ANKRD44: variants seen among roughly 807,000 people sequenced by gnomAD.
ANKRD44 encodes the protein serine/threonine-protein phosphatase 6 regulatory ankyrin repeat subunit B.
In ANKRD44, 35 loss-of-function variants were observed where a neutral mutation model predicts 116.0. The ratio of observed to expected loss-of-function variants is 0.30; its 90% CI spans 0.23 to 0.40. ANKRD44 has a LOEUF of 0.40. Ranked by LOEUF, ANKRD44 falls within the 10% of genes least tolerant of loss-of-function variation. The pLI is 1.00. For missense variants in ANKRD44, 1,014 were observed against 1,242.6 expected (o/e 0.82, Z 2.77); for synonymous variants, 435 against 461.8 (o/e 0.94, Z 0.74).
chr2:197,136,420 C>T (rs2079217639), intron 4 of ANKRD44, 172 bp downstream of exon 4: 2 of 640,954 alleles, frequency 3.1e-6, no homozygotes, highest in East Asian at 5.5e-5. Context: ...CCCCACTCAG[C>T]ACTATGTCTG....
chr2:197,304,079 G>A (rs1436747354), intron 1 of ANKRD44, among the ~76,000 whole-genome samples: 1 of 152,164 alleles, frequency 6.6e-6, no homozygotes, highest in African/African-American at 2.4e-5. Context: ...GCTGAGGCAG[G>A]CAGATCACAT....
chr2:197,126,751 A>G (rs571128023), intron 4 of ANKRD44, among the ~76,000 whole-genome samples: 1 of 149,928 alleles, frequency 6.7e-6, no homozygotes, highest in Admixed American at 6.7e-5. Flanking sequence ...TCTAACGAAG[A>G]AAAAAAAAAT....
intron 16 of ANKRD44, among the ~76,000 whole-genome samples, chr2:197,035,843 A>G (rs1051355853): frequency 1.3e-5 from 2 of 151,804 alleles, no homozygotes; most frequent in Non-Finnish European, 2.9e-5. Context: ...GGCCGTGTCA[A>G]TCTCCTCCCT....
intron 1 of ANKRD44, among the ~76,000 whole-genome samples, chr2:197,293,730 A>G (rs2083636310): frequency 6.6e-6 from 1 of 152,196 alleles, no homozygotes; most frequent in South Asian, 2.1e-4. Context: ...ATCTTTACCC[A>G]CAGGGGAACG....
At chr2:197,097,829 G>A (rs146895494) in intron 10 of ANKRD44, among the ~76,000 whole-genome samples, 6 of 152,278 alleles carry the variant, frequency 3.9e-5, no homozygotes, top group African/African-American at 4.8e-5. Flanking sequence ...AACAGCTTCC[G>A]AATGACTCAG....
chr2:197,054,133 C>T (rs1421507655), intron 16 of ANKRD44, among the ~76,000 whole-genome samples: 3 of 152,178 alleles, frequency 2.0e-5, no homozygotes, highest in Non-Finnish European at 4.4e-5. Context: ...AATATAATTA[C>T]ATTTATGCTC....
intron 1 of ANKRD44, among the ~76,000 whole-genome samples, chr2:197,195,846 T>C (rs2080936373): frequency 6.6e-6 from 1 of 152,230 alleles, no homozygotes; most frequent in South Asian, 2.1e-4. Flanking sequence ...CCAAGTGCCA[T>C]ATTTCTATCA....
intron 1 of ANKRD44, among the ~76,000 whole-genome samples, chr2:197,266,704 A>C (rs2082750792): frequency 6.6e-6 from 1 of 151,614 alleles, no homozygotes; most frequent in African/African-American, 2.4e-5. Flanking sequence ...ACCAGCAAAA[A>C]ACAAACCGCA....
chr2:197,036,030 T>C (rs574559166), intron 16 of ANKRD44, among the ~76,000 whole-genome samples: 1 of 152,192 alleles, frequency 6.6e-6, no homozygotes, highest in Non-Finnish European at 1.5e-5. Flanking sequence ...GTGGCATATC[T>C]GTAGCAGCAG....
In ANKRD44 at chr2:197,309,869, C is replaced by T. The variant is rs553057027; in HGVS notation, c.27+709G>A. 1.1e-4 allele frequency among the ~76,000 whole-genome samples: 17 copies of T among 152,328 alleles called. No individual in the cohort carries two copies. In the South Asian group the frequency reaches 3.5e-3, roughly 32 times the overall value. ...ATAACCCCACCTCTCCAAGCCAGGACTCCAGAGCTGCCCTGTGTGGTGTCT... is the reference window on the plus strand; with the variant it reads ...ATAACCCCACCTCTCCAAGCCAGGATTCCAGAGCTGCCCTGTGTGGTGTCT... On this transcript the variant is annotated intron_variant, in intron 1 of 27. Coordinates refer to ENST00000282272, the MANE Select transcript of ANKRD44 (RefSeq NM_001195144.2).
chr2:197,040,469 C>T (rs923171315), intron 16 of ANKRD44, among the ~76,000 whole-genome samples: 8 of 144,970 alleles, frequency 5.5e-5, no homozygotes, highest in African/African-American at 7.7e-5. Context: ...TTCCGCTTCC[C>T]GGGCTCAAGT....
intron 21 of ANKRD44, among the ~76,000 whole-genome samples, chr2:197,004,797 T>C (rs2076173797): frequency 6.6e-6 from 1 of 152,154 alleles, no homozygotes; most frequent in Admixed American, 6.5e-5. Context: ...GGTACCATAA[T>C]ATGGACATGC....
intron 1 of ANKRD44, among the ~76,000 whole-genome samples, chr2:197,295,289 A>G (rs1351351241): frequency 6.6e-6 from 1 of 152,070 alleles, no homozygotes; most frequent in Non-Finnish European, 1.5e-5. Flanking sequence ...AGGTTGGCAA[A>G]TTTTTTCCTG....
chr2:197,212,835 C>T lies in ANKRD44; in HGVS notation c.28-25729G>A, dbSNP rs935279449. ...CAGGAACTCGGTGATCACATGCCCA[C>T]GGTGAGAGAGAAAAAAGGAAACACG... On this transcript the variant is annotated intron_variant, in intron 1 of 27. Coordinates refer to ENST00000282272, the MANE Select transcript of ANKRD44 (RefSeq NM_001195144.2). This position sits in a 1 kb window ranked among gnomAD's most constrained non-coding sequence, Gnocchi z 4.8. 5.9e-5 allele frequency among the ~76,000 whole-genome samples: 9 copies of T among 152,120 alleles called. No individual in the cohort carries two copies. The highest frequency in any genetic ancestry group is 8.8e-5 in the Non-Finnish European group (6 of 68,032).
chr2:197,005,716 C>T lies in ANKRD44; in HGVS notation c.2325G>A (p.Pro775=), dbSNP rs754236641. 14 of 1,614,190 alleles carry T rather than the reference C, an allele frequency of 8.7e-6. No individual in the cohort carries two copies. The highest frequency in any genetic ancestry group is 2.2e-5 in the East Asian group (1 of 44,886). ...CCFKDNQGYT[P]LHWACYNGNE... The stretch of plus-strand genomic sequence containing the variant: ...CACCATTGTAACAAGCCCAGTGCAG[C>T]GGCGTGTAGCCTTGGTTATCTTTGA... The change falls in exon 21 of 28, where the codon CCG becomes CCA. Residue 775 remains proline, a synonymous_variant. Transcript: ENST00000282272.
At chr2:197,263,159 G>A (rs1355838257) in intron 1 of ANKRD44, 2 of 468,664 alleles carry the variant, frequency 4.3e-6, no homozygotes, top group Non-Finnish European at 8.1e-6. Flanking sequence ...GGTCAAGAGC[G>A]CCTCACAGCT....
intron 4 of ANKRD44, among the ~76,000 whole-genome samples, chr2:197,129,282 C>CGCCT (rs2079045734): frequency 6.6e-6 from 1 of 151,940 alleles, no homozygotes; most frequent in African/African-American, 2.4e-5. Flanking sequence ...TATAGGCATG[C>CGCCT]GCCACCACGT....
chr2:197,109,012 G>A (rs1160955490), intron 9 of ANKRD44, among the ~76,000 whole-genome samples: 2 of 152,200 alleles, frequency 1.3e-5, no homozygotes, highest in East Asian at 3.9e-4. Flanking sequence ...AGGACAGAGA[G>A]GAGATGCGTC....
chr2:197,298,192 C>T (rs1014461057), intron 1 of ANKRD44, among the ~76,000 whole-genome samples: 4 of 152,160 alleles, frequency 2.6e-5, no homozygotes, highest in African/African-American at 9.7e-5. Flanking sequence ...CTGTTTGCTG[C>T]CTTTAAGAAC....
Sources: gnomAD v4.1 joint callset for allele counts (sites outside exome capture counted in the v4.1 genomes callset) on GRCh38, gnomAD v4.1.1 for gene constraint, Gnocchi (gnomAD v3.1) non-coding constraint, MANE v1.5 for transcripts, NCBI Gene and HGNC (gene_info 2026-07-23, HGNC 2026-07-21) for gene names.